The following MCC variants were observed in gnomAD, a reference collection of about 807,000 sequenced individuals.
MCC encodes colorectal mutant cancer protein.
Under a neutral mutation model 116.2 loss-of-function variants are expected in MCC, and 90 were observed. The ratio of observed to expected loss-of-function variants is 0.77; its 90% CI spans 0.65 to 0.92. MCC has a LOEUF of 0.92. Among genes scored for constraint, MCC ranks in the 40% least tolerant of loss-of-function variants. MCC has a pLI of 0.00. For missense variants in MCC, 1,516 were observed against 1,312.2 expected (o/e 1.16, Z -2.40); for synonymous variants, 578 against 510.5 (o/e 1.13, Z -1.78).
At chr5:113,370,343 G>C (rs781571562) in intron 2 of MCC, among the ~76,000 whole-genome samples, 3 of 152,106 alleles carry the variant, frequency 2.0e-5, no homozygotes, top group Non-Finnish European at 2.9e-5. Context: ...GTTCTTCTTT[G>C]ACATCCCAAA....
chr5:113,185,704 C>T (rs1761866219), intron 3 of MCC, among the ~76,000 whole-genome samples: 1 of 152,096 alleles, frequency 6.6e-6, no homozygotes, highest in Non-Finnish European at 1.5e-5. Flanking sequence ...CATTGCCATC[C>T]CCAGGCATGT....
intron 2 of MCC, among the ~76,000 whole-genome samples, chr5:113,347,271 TACA>T (rs1448216678): frequency 6.6e-6 from 1 of 152,046 alleles, no homozygotes; most frequent in Admixed American, 6.5e-5. Context: ...AAATAATGAC[TACA>T]ACAACTTTTT....
intron 3 of MCC, among the ~76,000 whole-genome samples, chr5:113,312,328 C>T (rs1306775211): frequency 6.6e-6 from 1 of 151,674 alleles, no homozygotes; most frequent in Admixed American, 6.6e-5. Context: ...ACAGGGAATA[C>T]AGAAATATGA....
intron 17 of MCC, among the ~76,000 whole-genome samples, chr5:113,041,929 C>G (rs1402975616): frequency 2.6e-5 from 4 of 151,788 alleles, no homozygotes; most frequent in South Asian, 2.1e-4. Flanking sequence ...CCTGGGAGAC[C>G]GAGATTGCAG....
intron 3 of MCC, among the ~76,000 whole-genome samples, chr5:113,198,604 T>G (rs1762537440): frequency 6.7e-6 from 1 of 148,700 alleles, no homozygotes; most frequent in African/African-American, 2.5e-5. Context: ...CTCGGCAGGT[T>G]GAGGCAGGAG....
intron 1 of MCC, among the ~76,000 whole-genome samples, chr5:113,438,650 T>C (rs1480511076): frequency 6.6e-6 from 1 of 152,152 alleles, no homozygotes; most frequent in African/African-American, 2.4e-5. Context: ...TTCAGTATAA[T>C]ATAGATCTAT....
At chr5:113,353,120 A>G (rs1768322012) in intron 2 of MCC, among the ~76,000 whole-genome samples, 1 of 152,150 alleles carries the variant, frequency 6.6e-6, no homozygotes, top group African/African-American at 2.4e-5. Flanking sequence ...ATCTTCTGAC[A>G]TGATGGGTGC....
At chr5:113,354,570 G>A (rs1229791720) in intron 2 of MCC, among the ~76,000 whole-genome samples, 1 of 151,638 alleles carries the variant, frequency 6.6e-6, no homozygotes, top group Non-Finnish European at 1.5e-5. Flanking sequence ...GAGTACCTGG[G>A]ATTACAGGCA....
intron 2 of MCC, among the ~76,000 whole-genome samples, chr5:113,358,616 C>T (rs959651854): frequency 1.3e-5 from 2 of 152,116 alleles, no homozygotes; most frequent in South Asian, 2.1e-4. Context: ...TTATTACCCT[C>T]CATGTCAAGA....
chr5:113,197,925 G>A (rs939399776), intron 3 of MCC, among the ~76,000 whole-genome samples: 17 of 152,172 alleles, frequency 1.1e-4, no homozygotes, highest in South Asian at 8.3e-4. Flanking sequence ...GGTGACACTC[G>A]TGTCATGTGA....
At chr5:113,376,174 T>A (rs1406945233) in intron 2 of MCC, among the ~76,000 whole-genome samples, 1 of 152,190 alleles carries the variant, frequency 6.6e-6, no homozygotes, top group Non-Finnish European at 1.5e-5. Flanking sequence ...CAAGCACACA[T>A]TTCTTATTTC....
chr5:113,148,918 C>T (rs1478612528), intron 4 of MCC, among the ~76,000 whole-genome samples: 2 of 152,064 alleles, frequency 1.3e-5, no homozygotes, highest in African/African-American at 2.4e-5. Flanking sequence ...ATGAGGATGG[C>T]TTGACCACAG....
At chr5:113,360,792 T>A (rs1768526121) in intron 2 of MCC, among the ~76,000 whole-genome samples, 1 of 152,214 alleles carries the variant, frequency 6.6e-6, no homozygotes, top group Non-Finnish European at 1.5e-5. Context: ...CTGATATTAG[T>A]TATAATAAAC....
In MCC at chr5:113,400,113, C is replaced by CTTTTTTTTTTTTT. The variant is rs747991299; in HGVS notation, c.171-14914_171-14902dup. On this transcript the variant is annotated intron_variant, in intron 1 of 18. Coordinates refer to ENST00000408903, the MANE Select transcript of MCC (RefSeq NM_001085377.2). ...ATTGTTTTGGCCCTCTCCTTTTTTA[C>CTTTTTTTTTTTTT]TTTTTTTTTTTTTTTTTTTTTTTTT... The CTTTTTTTTTTTTT allele has an allele frequency of 2.2e-3, 159 of 71,398 alleles. 28 individuals carry two copies. The highest frequency in any genetic ancestry group is 2.5e-3 in the Non-Finnish European group (105 of 41,724). The allele number at this position is 71,398 out of a possible 1,614,324, so 4.4% of individuals were successfully genotyped here.
At chr5:113,311,225 G>A (rs1225535890) in intron 3 of MCC, among the ~76,000 whole-genome samples, 1 of 152,210 alleles carries the variant, frequency 6.6e-6, no homozygotes, top group African/African-American at 2.4e-5. Flanking sequence ...ACCCATGCCT[G>A]TAAACATGTC....
intron 3 of MCC, among the ~76,000 whole-genome samples, chr5:113,300,027 C>G (rs560884807): frequency 2.0e-5 from 3 of 152,260 alleles, no homozygotes; most frequent in African/African-American, 7.2e-5. Context: ...TGCACCAACA[C>G]CATGCTGTGG....
At chr5:113,038,758 AC>A (rs1751488677) in intron 17 of MCC, among the ~76,000 whole-genome samples, 1 of 151,964 alleles carries the variant, frequency 6.6e-6, no homozygotes, top group Non-Finnish European at 1.5e-5. Flanking sequence ...CTGGCACACA[AC>A]CCTGTCTTCC....
Position 113,294,764 on chromosome 5 carries a change from A to C in MCC, c.627+45755T>G, listed in dbSNP as rs11956800. The C allele has an allele frequency of 6.6e-3, 6,526 of 990,676 alleles. 331 individuals carry two copies. The African/African-American group carries it at 0.1, about 16-fold the overall frequency. 61.4% of individuals were successfully genotyped at this position (990,676 alleles called of 1,614,324 possible). A position where few individuals can be genotyped will look rare whatever the true frequency, so the allele number is the denominator to read the frequency against. On this transcript the variant is annotated intron_variant, in intron 3 of 18. Coordinates refer to ENST00000408903, the MANE Select transcript of MCC (RefSeq NM_001085377.2). The stretch of plus-strand genomic sequence containing the variant: ...GCCCCCCATTACCAGGATGGAGGGC[A>C]CTTCCCAGCACGAGCCGACACCCTA...
chr5:113,164,256 C>T (rs1760655277), intron 3 of MCC, among the ~76,000 whole-genome samples: 1 of 152,208 alleles, frequency 6.6e-6, no homozygotes. Context: ...ACTCCTCAGA[C>T]AGCCAAGCCT....
Sources: allele counts gnomAD v4.1 joint callset (sites outside exome capture counted in the v4.1 genomes callset), GRCh38; gene constraint gnomAD v4.1.1; transcripts MANE v1.5; gene names NCBI Gene and HGNC (gene_info 2026-07-23, HGNC 2026-07-21).